Variants in NFIB observed in about 807,000 individuals in gnomAD.
The protein encoded by NFIB is nuclear factor 1 B-type.
In NFIB, 11 loss-of-function variants were observed where a neutral mutation model predicts 61.5. That is an observed-to-expected ratio of 0.18 (90% CI 0.11 to 0.30). The LOEUF is 0.30. NFIB is among the 10% of genes least tolerant of loss of function. The pLI is 1.00. For synonymous variants in NFIB, 260 were observed against 216.5 expected, an observed-to-expected ratio of 1.20 and a Z score of -1.76; for missense variants, 471 against 608.9, an observed-to-expected ratio of 0.77 and a Z score of 2.38.
chr9:14,246,552 A>G (rs4740561), intron 2 of NFIB, among the ~76,000 whole-genome samples: 100,785 of 152,108 alleles, frequency 0.66, 34,160 homozygotes, highest in East Asian at 0.93. Flanking sequence ...CACACATCTC[A>G]TACATGGATT....
intron 7 of NFIB, among the ~76,000 whole-genome samples, chr9:14,125,078 T>C (rs1042906695): frequency 1.3e-5 from 2 of 152,200 alleles, no homozygotes; most frequent in Non-Finnish European, 2.9e-5. Context: ...TTTTCCACAT[T>C]CTTCTGATAA....
At chr9:14,430,873 C>T in the NFIB span, among the ~76,000 whole-genome samples, 4 of 152,104 alleles carry the variant, frequency 2.6e-5, no homozygotes, top group Admixed American at 6.6e-5. Context: ...TGAGCCACCA[C>T]GTCCGGCCCT....
chr9:14,118,569 G>T (rs1697489657), intron 8 of NFIB, among the ~76,000 whole-genome samples: 2 of 152,000 alleles, frequency 1.3e-5, no homozygotes. Flanking sequence ...GTTTTCTACT[G>T]GTTCAAACAG....
In NFIB at chr9:14,100,973, T is replaced by C. The variant is rs553139561; in HGVS notation, c.1467+12026A>G. Among the ~76,000 whole-genome samples, 23 of 152,300 alleles carry C rather than the reference T, an allele frequency of 1.5e-4. No individual in the cohort carries two copies. The South Asian group carries it at 4.3e-3, about 29-fold the overall frequency. On this transcript the variant is annotated intron_variant, in intron 10 of 10. Transcript: ENST00000380953. ...GATAGAGCATGAAATATAAGAGAGTTATTCAATAAAATATGGAAATATTAG... is the reference window on the plus strand; with the variant it reads ...GATAGAGCATGAAATATAAGAGAGTCATTCAATAAAATATGGAAATATTAG...
the NFIB span, among the ~76,000 whole-genome samples, chr9:14,513,841 A>C: frequency 6.6e-6 from 1 of 152,204 alleles, no homozygotes; most frequent in Non-Finnish European, 1.5e-5. Flanking sequence ...TTTAACCTAT[A>C]AGAAAAATAT....
intron 1 of NFIB, among the ~76,000 whole-genome samples, chr9:14,325,111 G>C (rs2060737932): frequency 6.6e-6 from 1 of 151,786 alleles, no homozygotes; most frequent in Admixed American, 6.6e-5. Context: ...AAATTATCTT[G>C]GTTGAAAGCC....
intron 1 of NFIB, among the ~76,000 whole-genome samples, chr9:14,329,495 T>G (rs2060795065): frequency 6.6e-6 from 1 of 152,034 alleles, no homozygotes; most frequent in African/African-American, 2.4e-5. Flanking sequence ...TCACAGTGAG[T>G]GACTCCTTGT....
At chr9:14,224,655 G>C (rs1053461054) in intron 2 of NFIB, among the ~76,000 whole-genome samples, 4 of 152,204 alleles carry the variant, frequency 2.6e-5, no homozygotes, top group Admixed American at 2.6e-4. Context: ...TAAAGTATAT[G>C]GGAGGATGTG....
chr9:14,216,447 A>AAGGTGCAT (rs375148289), intron 2 of NFIB, among the ~76,000 whole-genome samples: 1 of 151,608 alleles, frequency 6.6e-6, no homozygotes, highest in Non-Finnish European at 1.5e-5. Context: ...GGGCTCTGCC[A>AAGGTGCAT]AGGTGCATCT....
intron 2 of NFIB, among the ~76,000 whole-genome samples, chr9:14,250,628 G>T (rs117882883): frequency 1.3e-5 from 2 of 152,208 alleles, no homozygotes; most frequent in Non-Finnish European, 2.9e-5. Flanking sequence ...CTAGAGAAAA[G>T]AGAGTATGCC....
chr9:14,165,551 T>C (rs1304610269), intron 3 of NFIB, among the ~76,000 whole-genome samples: 1 of 152,202 alleles, frequency 6.6e-6, no homozygotes, highest in Non-Finnish European at 1.5e-5. Flanking sequence ...GCTGAAAATG[T>C]ACTTGACACC....
intron 2 of NFIB, among the ~76,000 whole-genome samples, chr9:14,298,605 G>A (rs2059576912): frequency 6.6e-6 from 1 of 152,114 alleles, no homozygotes; most frequent in South Asian, 2.1e-4. Context: ...CACTTCTACA[G>A]CCAGACCATG....
rs576081374 is a variant in NFIB at position 14,098,801 on chromosome 9, A to ATG, written c.1468-10477_1468-10476dup. ...CAAGGTGCAAGCAACTCCTTTGCAC[A>ATG]TGTGTGTGCACACACACACAGTTCA... On this transcript the variant is annotated intron_variant, in intron 10 of 10. Coordinates refer to ENST00000380953, the MANE Select transcript of NFIB (RefSeq NM_001190737.2). Among the ~76,000 whole-genome samples, 18 of 152,376 alleles carry ATG rather than the reference A, an allele frequency of 1.2e-4. No individual in the cohort carries two copies. In the South Asian group the frequency reaches 3.5e-3, roughly 30 times the overall value.
intron 3 of NFIB, among the ~76,000 whole-genome samples, chr9:14,171,148 C>T (rs915432988): frequency 1.3e-5 from 2 of 152,156 alleles, no homozygotes; most frequent in Admixed American, 1.3e-4. Context: ...AGTCATGAAA[C>T]ACAAATCTGA....
At chr9:14,399,014 G>C (rs1452088084), upstream of NFIB, 3 of 224,320 alleles carry the variant, frequency 1.3e-5, no homozygotes, top group Admixed American at 5.7e-5. Flanking sequence ...TGACTACTGA[G>C]TACTTGAAAT....
the NFIB span, among the ~76,000 whole-genome samples, chr9:14,440,379 C>G: frequency 6.6e-6 from 1 of 152,148 alleles, no homozygotes; most frequent in East Asian, 1.9e-4. Context: ...TCGAAGGGCT[C>G]TTTAATTGGC....
intron 2 of NFIB, among the ~76,000 whole-genome samples, chr9:14,214,968 G>C (rs1036793031): frequency 6.6e-6 from 1 of 152,220 alleles, no homozygotes; most frequent in Non-Finnish European, 1.5e-5. Flanking sequence ...GTGGAAACAA[G>C]AAATTTAGGC....
the NFIB span, among the ~76,000 whole-genome samples, chr9:14,521,592 A>G: frequency 1.3e-5 from 2 of 150,972 alleles, no homozygotes; most frequent in African/African-American, 2.4e-5. Flanking sequence ...AACCTGGTAC[A>G]TCGGAGTTCT....
At chr9:14,290,231 G>A (rs984903940) in intron 2 of NFIB, among the ~76,000 whole-genome samples, 1 of 152,004 alleles carries the variant, frequency 6.6e-6, no homozygotes, top group Non-Finnish European at 1.5e-5. Context: ...TGGATTTTGA[G>A]ACATTACATA....
Sources: allele counts gnomAD v4.1 joint callset (sites outside exome capture counted in the v4.1 genomes callset), GRCh38; gene constraint gnomAD v4.1.1; transcripts MANE v1.5; gene names NCBI Gene and HGNC (gene_info 2026-07-23, HGNC 2026-07-21).